The following HMGN1 variants were observed in gnomAD, a reference collection of about 807,000 sequenced individuals.
The protein encoded by HMGN1 is high mobility group nucleosome binding domain 1.
A neutral mutation model predicts 18.4 loss-of-function variants in HMGN1; 9 were observed. The ratio of observed to expected loss-of-function variants is 0.49; its 90% CI spans 0.29 to 0.85. The LOEUF (loss-of-function observed/expected upper bound fraction) is 0.85, where lower values mean the gene tolerates loss of function less well. Ranked by LOEUF, HMGN1 falls within the 40% of genes least tolerant of loss-of-function variation. HMGN1 has a pLI of 0.07. For synonymous variants in HMGN1, 59 were observed against 45.0 expected (o/e 1.31, Z -1.24); for missense variants, 151 against 119.2 (o/e 1.27, Z -1.24).
intron 4 of HMGN1, 105 bp from the exon 5 acceptor site, chr21:39,345,379 C>G (rs1402441270): frequency 9.1e-7 from 1 of 1,104,612 alleles, no homozygotes; most frequent in Non-Finnish European, 1.3e-6. Context: ...CCCAGTGGTG[C>G]TGACTTCATA....
chr21:39,347,523 T>C (rs139196386), intron 4 of HMGN1: 2 of 834,186 alleles, frequency 2.4e-6, no homozygotes, highest in African/African-American at 3.5e-5. Flanking sequence ...AAAATTTTTT[T>C]TGAGACTTCA....
At chr21:39,348,839 C>T (rs2037165987) in intron 1 of HMGN1, 64 bp downstream of exon 1, 11 of 1,034,014 alleles carry the variant, frequency 1.1e-5, no homozygotes, top group Admixed American at 5.2e-5. Context: ...CTGGGCCTCG[C>T]GGGGCCCGGC....
intron 4 of HMGN1, 176 bp from the exon 5 acceptor site, chr21:39,345,450 G>A (rs960147648): frequency 6.3e-6 from 4 of 633,560 alleles, no homozygotes; most frequent in African/African-American, 5.5e-5. Context: ...TCAAGCTTAT[G>A]AAAGGATCTC....
intron 3 of HMGN1, 35 bp downstream of exon 3, chr21:39,348,386 CG>C (rs1460011090): frequency 6.2e-7 from 1 of 1,614,174 alleles, no homozygotes; most frequent in Admixed American, 1.7e-5. Context: ...GGACGACCCG[CG>C]GAAAACGAAC....
chr21:39,348,773 G>A, intron 1 of HMGN1, 130 bp downstream of exon 1: 1 of 1,063,400 alleles, frequency 9.4e-7, no homozygotes, highest in South Asian at 2.3e-5. Flanking sequence ...TCGCCTGCCC[G>A]CCCGCCGGTC....
At chr21:39,348,170 T>A in intron 4 of HMGN1, 122 bp downstream of exon 4, 1 of 1,320,412 alleles carries the variant, frequency 7.6e-7, no homozygotes. Context: ...CTAGAAAAAT[T>A]ATTTACCGTA....
At chr21:39,347,402 A>G (rs1228305951) in intron 4 of HMGN1, 4 of 1,233,974 alleles carry the variant, frequency 3.2e-6, no homozygotes, top group African/African-American at 1.6e-5. Context: ...GGACAAATTT[A>G]GTAATTATCC....
chr21:39,348,355 A>G lies in HMGN1; in HGVS notation c.79-16T>C. 1.2e-6 allele frequency: 2 copies of G among 1,614,212 alleles called. No homozygotes were observed. The highest frequency in any genetic ancestry group is 1.7e-6 in the Non-Finnish European group (2 of 1,180,042). On this transcript the variant is annotated splice_polypyrimidine_tract_variant and intron_variant, in intron 3 of 5. Transcript: ENST00000380749. ...CAGGAGGTTTCTGAAAGGCAAAAGCAGCACTGAGCGTCCTCACCCGGGACG... is the reference window on the plus strand; with the variant it reads ...CAGGAGGTTTCTGAAAGGCAAAAGCGGCACTGAGCGTCCTCACCCGGGACG...
intron 5 of HMGN1, 131 bp from the exon 6 acceptor site, chr21:39,343,290 A>T (rs566904132): frequency 2.3e-6 from 2 of 882,814 alleles, no homozygotes; most frequent in African/African-American, 3.4e-5. Context: ...TCTTGTTAAA[A>T]AACTTTTGTT....
chr21:39,347,703 C>T, intron 4 of HMGN1: 1 of 289,892 alleles, frequency 3.4e-6, no homozygotes, highest in South Asian at 2.9e-5. Flanking sequence ...CCAAAGCCAA[C>T]TTCATTCTAC....
intron 1 of HMGN1, 102 bp from the exon 2 acceptor site, chr21:39,348,679 TC>T: frequency 7.2e-7 from 1 of 1,384,636 alleles, no homozygotes; most frequent in Non-Finnish European, 9.6e-7. Context: ...CGTCACGGCT[TC>T]CCGCCGCCCC....
chr21:39,347,504 G>A (rs2037097297), intron 4 of HMGN1: 2 of 1,166,310 alleles, frequency 1.7e-6, no homozygotes, highest in Non-Finnish European at 2.3e-6. Context: ...AGAGGTGAAG[G>A]CATTAACAAA....
intron 5 of HMGN1, among the ~76,000 whole-genome samples, chr21:39,344,112 TG>T (rs1278144283): frequency 1.3e-5 from 2 of 151,944 alleles, no homozygotes; most frequent in African/African-American, 4.8e-5. Context: ...AAAAATTAGT[TG>T]GGTGTGGGGA....
At position 39,343,062 on chromosome 21, in the gene HMGN1, T is replaced by C; in HGVS notation, c.*50A>G. ...TAGTTGATAAAAATATTCCTCTGGA[T>C]TGTACAAGAAGGGAGACAGGGACCA... On this transcript the variant is annotated 3_prime_UTR_variant, in exon 6 of 6. Transcript: ENST00000380749. The C allele has an allele frequency of 7.5e-7, 1 of 1,326,292 alleles. No homozygotes were observed. The allele number at this position is 1,326,292 out of a possible 1,614,324, so 82.2% of individuals were successfully genotyped here.
At chr21:39,343,819 T>C (rs957646569) in intron 5 of HMGN1, among the ~76,000 whole-genome samples, 14 of 152,246 alleles carry the variant, frequency 9.2e-5, no homozygotes, top group Non-Finnish European at 2.1e-4. Context: ...GGCAGCCTTA[T>C]ATTAATAGAA....
At chr21:39,347,512 A>G (rs1436548534) in intron 4 of HMGN1, 2 of 1,102,128 alleles carry the variant, frequency 1.8e-6, no homozygotes, top group African/African-American at 3.2e-5. Context: ...AGGCATTAAC[A>G]AAAATTTTTT....
chr21:39,348,844 C>CCCGGCGGGGCG (rs915305468), intron 1 of HMGN1, 59 bp downstream of exon 1: 2 of 1,048,742 alleles, frequency 1.9e-6, no homozygotes, highest in African/African-American at 1.7e-5. Flanking sequence ...CCTCGCGGGG[C>CCCGGCGGGGCG]CCGGCGGGGC....
rs867390294 is a variant in HMGN1, at chr21:39,348,924, G to A, written c.-7C>T. On this transcript the variant is annotated 5_prime_UTR_variant, in exon 1 of 6. Coordinates refer to ENST00000380749, the MANE Select transcript of HMGN1 (RefSeq NM_004965.7). ...TCACCTTCCTCTTGGGCATCGTGGC[G>A]GCGGGGAAGGCGCGTGCCGGGTGCC... is the stretch of plus-strand genomic sequence containing the variant. The A allele has an allele frequency of 8.4e-7, 1 of 1,191,240 alleles. No individual in the cohort carries two copies. Among genetic ancestry groups the A allele is most frequent in the Non-Finnish European group, 1.0e-6 (1 of 962,790 alleles). 73.8% of individuals were successfully genotyped at this position (1,191,240 alleles called of 1,614,324 possible). A position where few individuals can be genotyped will look rare whatever the true frequency, so the allele number is the denominator to read the frequency against.
chr21:39,346,092 C>G lies in HMGN1; in HGVS notation c.127-818G>C, dbSNP rs368597575. 220 of 492,142 alleles carry G rather than the reference C, an allele frequency of 4.5e-4. 3 individuals carry two copies. Among genetic ancestry groups the G allele is most frequent in the South Asian group, 3.9e-3 (214 of 55,232 alleles). 30.5% of individuals were successfully genotyped at this position (492,142 alleles called of 1,614,324 possible). A position where few individuals can be genotyped will look rare whatever the true frequency, so the allele number is the denominator to read the frequency against. On this transcript the variant is annotated intron_variant, in intron 4 of 5. Coordinates refer to ENST00000380749, the MANE Select transcript of HMGN1 (RefSeq NM_004965.7). ...CTGAGAAGAAAGCTTAACATTTATT[C>G]CTTGTTAGTAAGTATACAGCAGCAG...
Sources: allele counts gnomAD v4.1 joint callset (sites outside exome capture counted in the v4.1 genomes callset), GRCh38; gene constraint gnomAD v4.1.1; transcripts MANE v1.5; gene names NCBI Gene and HGNC (gene_info 2026-07-23, HGNC 2026-07-21).